Variants in DAPK2 observed in about 807,000 individuals in gnomAD.
DAPK2 encodes the protein death associated protein kinase 2, also known as death-associated protein kinase 2.
In DAPK2, 35 loss-of-function variants were observed where a neutral mutation model predicts 44.1. That is an observed-to-expected ratio of 0.79 (90% confidence interval 0.61 to 1.05). The LOEUF is 1.05. DAPK2 is among the 50% of genes least tolerant of loss of function. The pLI is 0.00. For synonymous variants in DAPK2, 174 were observed against 182.6 expected (o/e 0.95, Z 0.38); for missense variants, 453 against 483.2 (o/e 0.94, Z 0.59).
intron 1 of DAPK2, among the ~76,000 whole-genome samples, chr15:64,034,008 T>C: frequency 6.6e-6 from 1 of 152,186 alleles, no homozygotes; most frequent in East Asian, 1.9e-4. Flanking sequence ...CTTTTTACTT[T>C]ATACTCTTCA....
rs1206043952 is a variant in DAPK2 at position 63,980,448 on chromosome 15, T to C, written c.314+3085A>G. The stretch of plus-strand genomic sequence containing the variant: ...ACAAATGACCCAGGGCTGGCAGGGC[T>C]GCAGGCACACAGCAACACTCCTACG... On this transcript the variant is annotated intron_variant, in intron 2 of 10. Coordinates refer to ENST00000261891, the Ensembl canonical transcript of DAPK2. The surrounding 1 kb of genome is among the most constrained non-coding windows in gnomAD (Gnocchi z 4.3). Among the ~76,000 whole-genome samples the C allele has an allele frequency of 6.6e-6, 1 of 152,236 alleles. No individual in the cohort carries two copies. Among genetic ancestry groups the C allele is most frequent in the Non-Finnish European group, 1.5e-5 (1 of 68,042 alleles).
chr15:64,039,612 C>T (rs910511134), intron 1 of DAPK2, among the ~76,000 whole-genome samples: 4 of 152,184 alleles, frequency 2.6e-5, no homozygotes, highest in Non-Finnish European at 4.4e-5. Context: ...CAAATCCTAA[C>T]GATAGTACTT....
intron 4 of DAPK2, among the ~76,000 whole-genome samples, chr15:63,934,896 G>T (rs141893972): frequency 1.5e-3 from 228 of 152,142 alleles, no homozygotes; most frequent in African/African-American, 5.2e-3. Flanking sequence ...GTTTATATTT[G>T]CTTAATATTT....
upstream of DAPK2, among the ~76,000 whole-genome samples, chr15:64,042,967 G>A (rs117453074): frequency 6.2e-4 from 95 of 152,274 alleles, no homozygotes; most frequent in Non-Finnish European, 5.9e-4. The surrounding 1 kb of genome is among the most constrained non-coding windows in gnomAD (Gnocchi z 4.7). Context: ...TTTAGGGTTC[G>A]AGTTGATCAT....
intron 1 of DAPK2, among the ~76,000 whole-genome samples, chr15:64,031,485 G>A (rs1231277864): frequency 1.3e-5 from 2 of 152,044 alleles, no homozygotes; most frequent in Admixed American, 6.6e-5. Flanking sequence ...CTCCCACCTC[G>A]TCCTCCCAAA....
At chr15:63,948,270 CAAAAAAAAAAAAAAAAA>C (rs3056984) in intron 3 of DAPK2, among the ~76,000 whole-genome samples, 25 of 51,920 alleles carry the variant, frequency 4.8e-4, no homozygotes, top group South Asian at 1.6e-3. Flanking sequence ...GACTCCATCT[CAAAAAAAAAAAAAAAAA>C]AAAAAAAAAA....
intron 3 of DAPK2, among the ~76,000 whole-genome samples, chr15:63,961,268 A>G (rs1466822912): frequency 2.0e-5 from 3 of 152,206 alleles, no homozygotes; most frequent in African/African-American, 4.8e-5. Context: ...TCCTGAATAC[A>G]GCACACTGAT....
In DAPK2 at chr15:63,912,186, G is replaced by A. The variant is rs538497620; in HGVS notation, c.870C>T (p.Asn290=). ...ACTCCCTGCGCACCATGGCTTGCTG[G>A]TTGTCCACCGGCTGAGAGACAAAGC... The change falls in exon 9 of 11, where the codon AAC becomes AAT. Residue 290 remains asparagine, a synonymous_variant. Coordinates refer to ENST00000261891, the Ensembl canonical transcript of DAPK2. The surrounding 1 kb of genome is among the most constrained non-coding windows in gnomAD (Gnocchi z 4.4). 1.2e-6 allele frequency: 2 copies of A among 1,614,048 alleles called. No homozygotes were observed. The highest frequency in any genetic ancestry group is 1.1e-5 in the South Asian group (1 of 91,080).
chr15:64,009,441 C>T (rs1468363782), intron 1 of DAPK2, among the ~76,000 whole-genome samples: 1 of 152,150 alleles, frequency 6.6e-6, no homozygotes, highest in Non-Finnish European at 1.5e-5. Flanking sequence ...CAAGCCTGAG[C>T]TCCTTGGCCA....
At chr15:64,007,978 C>T (rs1274784963) in intron 1 of DAPK2, among the ~76,000 whole-genome samples, 3 of 152,150 alleles carry the variant, frequency 2.0e-5, no homozygotes, top group African/African-American at 4.8e-5. Flanking sequence ...GGCAAATCCA[C>T]AGACAGAAGG....
intron 3 of DAPK2, among the ~76,000 whole-genome samples, chr15:63,951,210 G>C (rs941065965): frequency 2.0e-5 from 3 of 152,102 alleles, no homozygotes; most frequent in African/African-American, 4.8e-5. Context: ...ATTGGGGGTG[G>C]AGGAAGGACA....
intron 3 of DAPK2, among the ~76,000 whole-genome samples, chr15:63,948,341 T>C (rs998716057): frequency 3.2e-5 from 4 of 125,676 alleles, no homozygotes; most frequent in Admixed American, 8.6e-5. Context: ...ACAGGAAGCA[T>C]AGCAGCTTTT....
intron 1 of DAPK2, among the ~76,000 whole-genome samples, chr15:64,002,956 G>GACC (rs1567266491): frequency 7.3e-4 from 88 of 120,966 alleles, no homozygotes; most frequent in East Asian, 1.3e-3. Context: ...GTGTGTGTGT[G>GACC]TGTGTGTGTC....
intron 2 of DAPK2, among the ~76,000 whole-genome samples, chr15:63,981,725 T>A (rs2078520987): frequency 6.6e-6 from 1 of 152,044 alleles, no homozygotes; most frequent in Non-Finnish European, 1.5e-5. Context: ...GGTGCACTTG[T>A]CACTCTCTGC....
At chr15:63,926,309 A>C in intron 6 of DAPK2, 3 of 484,540 alleles carry the variant, frequency 6.2e-6, no homozygotes, top group Non-Finnish European at 1.1e-5. Flanking sequence ...GACAGAGAGA[A>C]ATTGTGTCTT....
At chr15:63,954,460 A>T (rs1386237368) in intron 3 of DAPK2, among the ~76,000 whole-genome samples, 1 of 152,044 alleles carries the variant, frequency 6.6e-6, no homozygotes, top group Non-Finnish European at 1.5e-5. Flanking sequence ...TTCACTGTAG[A>T]TGTATGTATT....
intron 4 of DAPK2, among the ~76,000 whole-genome samples, chr15:63,933,298 C>T (rs1264870279): frequency 2.0e-5 from 3 of 152,292 alleles, no homozygotes; most frequent in African/African-American, 7.2e-5. Context: ...GGCTGGAGTG[C>T]AATGATGTGA....
chr15:64,046,223 C>G lies in DAPK2; in HGVS notation c.-7+75G>C, dbSNP rs1486772831. On this transcript the variant is annotated intron_variant, in intron 1 of 11. Coordinates refer to the DAPK2 transcript ENST00000457488. This position sits in a 1 kb window ranked among gnomAD's most constrained non-coding sequence, Gnocchi z 5.3. ...CCCGGATCTCTTCGCCCCGCCAGCC[C>G]CAGACCCGGGCGCTGCTGCCGTCAG... 1 of 626,782 alleles carries G rather than the reference C, an allele frequency of 1.6e-6. No individual in the cohort carries two copies. Among genetic ancestry groups the G allele is most frequent in the African/African-American group, 2.0e-5 (1 of 50,718 alleles). 38.8% of individuals were successfully genotyped at this position (626,782 alleles called of 1,614,324 possible). A position where few individuals can be genotyped will look rare whatever the true frequency, so the allele number is the denominator to read the frequency against.
At chr15:63,919,304 T>C (rs2079010282) in intron 8 of DAPK2, 1 of 152,226 alleles carries the variant, frequency 6.6e-6, no homozygotes, top group Non-Finnish European at 1.5e-5. Context: ...GAGGACGATG[T>C]CACTGCTATA....
Sources: allele counts gnomAD v4.1 joint callset (sites outside exome capture counted in the v4.1 genomes callset), GRCh38; gene constraint gnomAD v4.1.1; non-coding constraint Gnocchi (gnomAD v3.1); transcripts MANE v1.5; gene names NCBI Gene and HGNC (gene_info 2026-07-23, HGNC 2026-07-21).